Variants in LRP1B observed in about 807,000 individuals in gnomAD.
LRP1B encodes low-density lipoprotein receptor-related protein 1B.
Under a neutral mutation model 556.6 loss-of-function variants are expected in LRP1B, and 217 were observed. The ratio of observed to expected loss-of-function variants is 0.39; its 90% confidence interval spans 0.35 to 0.44. The LOEUF is 0.44. Among genes scored for constraint, LRP1B ranks in the 20% least tolerant of loss-of-function variants. The pLI is 1.00. For missense variants in LRP1B, 5,053 were observed against 5,620.8 expected (o/e 0.90, Z 3.23); for synonymous variants, 2,047 against 1,865.8 (o/e 1.10, Z -2.50).
intron 2 of LRP1B, among the ~76,000 whole-genome samples, chr2:141,519,010 A>C (rs1373565643): frequency 7.3e-6 from 1 of 136,916 alleles, no homozygotes; most frequent in Non-Finnish European, 1.6e-5. Context: ...AGACATTTCC[A>C]TTGCAAACAA....
At position 140,989,512 on chromosome 2, in the gene LRP1B, ATAT is replaced by A. The variant is rs765479660; in HGVS notation, c.2770+17_2770+19del. ...CTAACTTTGGAGGAGATTTACGTGT[ATAT>A]CCAAGCAAACCTTTACCTGTGCAAG... On this transcript the variant is annotated intron_variant, in intron 17 of 90. Coordinates refer to ENST00000389484, the MANE Select transcript of LRP1B (RefSeq NM_018557.3). 1.2e-6 allele frequency: 2 copies of A among 1,612,082 alleles called. No individual in the cohort carries two copies. The highest frequency in any genetic ancestry group is 1.7e-6 in the Non-Finnish European group (2 of 1,178,808).
chr2:141,834,919 G>A (rs1286877690), intron 1 of LRP1B, among the ~76,000 whole-genome samples: 2 of 151,892 alleles, frequency 1.3e-5, no homozygotes, highest in Non-Finnish European at 2.9e-5. Context: ...ATTTACTTGT[G>A]ATATTTGTGG....
chr2:141,129,214 C>T (rs1239914310), intron 7 of LRP1B, among the ~76,000 whole-genome samples: 1 of 151,908 alleles, frequency 6.6e-6, no homozygotes, highest in Non-Finnish European at 1.5e-5. Flanking sequence ...AATTTCTGAA[C>T]AAATGGAGAA....
In LRP1B at chr2:140,378,275, A is replaced by G. The variant is rs1442217784; in HGVS notation, c.10543T>C (p.Cys3515Arg). The G allele has an allele frequency of 6.2e-7, 1 of 1,604,922 alleles. No homozygotes were observed. Among genetic ancestry groups the G allele is most frequent in the Non-Finnish European group, 8.5e-7 (1 of 1,172,276 alleles). The change falls in exon 68 of 91, where the codon TGT (cysteine) becomes CGT (arginine). Residue 3515 changes from cysteine to arginine, a missense_variant. Physicochemically the swap from Cys to Arg is radical, Grantham distance 180 (BLOSUM62 -3). This residue lies in a region of LRP1B where 262 missense variants were observed against 395.1 expected (regional missense o/e 0.66). Coordinates refer to ENST00000389484, the MANE Select transcript of LRP1B (RefSeq NM_018557.3). Reference sequence around the variant, plus strand: ...GCACAGAGGAAATCTTTCAATGTACATGTCTGTGGCTCTGGGGATAAAAAA... The same window carrying G: ...GCACAGAGGAAATCTTTCAATGTACGTGTCTGTGGCTCTGGGGATAAAAAA... The part of the protein sequence containing the change: ...SDEENCKPQT[C>R]TLKDFLCANG...
chr2:141,800,162 A>C (rs930177929), intron 2 of LRP1B, among the ~76,000 whole-genome samples: 2 of 152,174 alleles, frequency 1.3e-5, no homozygotes, highest in African/African-American at 4.8e-5. Flanking sequence ...ACATACATAC[A>C]TCTGGATAGC....
At chr2:141,016,336 C>T (rs1354839538) in intron 12 of LRP1B, among the ~76,000 whole-genome samples, 2 of 152,060 alleles carry the variant, frequency 1.3e-5, no homozygotes, top group Non-Finnish European at 2.9e-5. Flanking sequence ...TGAGAACCCA[C>T]GGCACAGTTA....
intron 43 of LRP1B, among the ~76,000 whole-genome samples, chr2:140,563,303 A>G (rs1489189781): frequency 6.6e-6 from 1 of 152,192 alleles, no homozygotes; most frequent in East Asian, 1.9e-4. Context: ...GATATTAGAG[A>G]TTACTAATAC....
chr2:140,817,523 ACT>A (rs1439055281), intron 31 of LRP1B, among the ~76,000 whole-genome samples: 1 of 151,878 alleles, frequency 6.6e-6, no homozygotes, highest in African/African-American at 2.4e-5. Context: ...TTTAATTGTT[ACT>A]GAGACAATGA....
intron 35 of LRP1B, among the ~76,000 whole-genome samples, chr2:140,752,166 T>A (rs1688601705): frequency 6.6e-6 from 1 of 151,766 alleles, no homozygotes; most frequent in South Asian, 2.1e-4. Flanking sequence ...AATACAAAAA[T>A]TAGCTCGGCG....
intron 62 of LRP1B, among the ~76,000 whole-genome samples, chr2:140,456,150 G>A (rs1319144837): frequency 6.6e-6 from 1 of 152,116 alleles, no homozygotes; most frequent in African/African-American, 2.4e-5. Context: ...TATCTTGAGA[G>A]ATTTCCTGCT....
intron 3 of LRP1B, among the ~76,000 whole-genome samples, chr2:141,298,680 C>T (rs1194897887): frequency 3.9e-5 from 6 of 152,010 alleles, no homozygotes; most frequent in East Asian, 1.9e-4. Flanking sequence ...TGAGGCCAGG[C>T]GTGGTGGCTC....
At chr2:141,862,260 A>G (rs1450018007) in intron 1 of LRP1B, among the ~76,000 whole-genome samples, 1 of 152,150 alleles carries the variant, frequency 6.6e-6, no homozygotes, top group Admixed American at 6.5e-5. Context: ...CTCCACAGAA[A>G]CTTATCTGAA....
chr2:142,116,416 T>C (rs1707279884), intron 1 of LRP1B, among the ~76,000 whole-genome samples: 1 of 151,992 alleles, frequency 6.6e-6, no homozygotes, highest in Non-Finnish European at 1.5e-5. Context: ...CCAGCAGTCC[T>C]CAAATGAGCC....
At chr2:141,610,323 A>ATTATTATACTTTAAAACTTAAAGT (rs143503631) in intron 2 of LRP1B, among the ~76,000 whole-genome samples, 28 of 122,684 alleles carry the variant, frequency 2.3e-4, no homozygotes, top group African/African-American at 8.9e-4. Context: ...CTTAAAGTAT[A>ATTATTATACTTTAAAACTTAAAGT]ATAATAATAA....
intron 35 of LRP1B, among the ~76,000 whole-genome samples, chr2:140,741,483 A>AT (rs74266699): frequency 8.0e-5 from 12 of 149,384 alleles, no homozygotes; most frequent in East Asian, 2.0e-4. Context: ...CCACACTATT[A>AT]TTTTTTTTTT....
chr2:141,487,059 C>T (rs953367264), intron 2 of LRP1B, among the ~76,000 whole-genome samples: 1 of 152,100 alleles, frequency 6.6e-6, no homozygotes, highest in Non-Finnish European at 1.5e-5. Context: ...TTTGTTATTC[C>T]TCACAGCGTT....
intron 7 of LRP1B, among the ~76,000 whole-genome samples, chr2:141,109,811 T>C (rs1023510658): frequency 6.6e-6 from 1 of 152,162 alleles, no homozygotes; most frequent in African/African-American, 2.4e-5. Flanking sequence ...GCACTCAGAA[T>C]CACATTAAAA....
chr2:141,774,925 C>T (rs906570811), intron 2 of LRP1B, among the ~76,000 whole-genome samples: 13 of 152,206 alleles, frequency 8.5e-5, no homozygotes, highest in African/African-American at 2.9e-4. Context: ...ATTCATACTA[C>T]ATCTTTAAGA....
chr2:140,946,362 G>A (rs1695547493), intron 20 of LRP1B, among the ~76,000 whole-genome samples: 1 of 152,134 alleles, frequency 6.6e-6, no homozygotes, highest in South Asian at 2.1e-4. Context: ...CACTTTGAGA[G>A]GCTGAGGTGG....
Sources: allele counts gnomAD v4.1 joint callset (sites outside exome capture counted in the v4.1 genomes callset), GRCh38; gene constraint gnomAD v4.1.1; regional missense constraint gnomAD v4.1.1; transcripts MANE v1.5; gene names NCBI Gene and HGNC (gene_info 2026-07-23, HGNC 2026-07-21).